NPHP4: variants seen among roughly 807,000 people sequenced by gnomAD.
NPHP4 encodes the protein nephrocystin 4, also known as nephrocystin-4.
NPHP4 carries 151 observed loss-of-function variants against 155.8 expected under a neutral mutation model. That is an observed-to-expected ratio of 0.97 (90% confidence interval 0.85 to 1.11). The LOEUF (loss-of-function observed/expected upper bound fraction) is 1.11, where lower values mean the gene tolerates loss of function less well. NPHP4 is among the 50% of genes least tolerant of loss of function. The pLI is 0.00. For synonymous variants in NPHP4, 845 were observed against 816.8 expected, an observed-to-expected ratio of 1.03 and a Z score of -0.59; for missense variants, 1,956 against 1,925.7, an observed-to-expected ratio of 1.02 and a Z score of -0.29.
chr1:5,937,046 G>C (rs1646578734), intron 9 of NPHP4, among the ~76,000 whole-genome samples: 1 of 152,216 alleles, frequency 6.6e-6, no homozygotes, highest in African/African-American at 2.4e-5. Flanking sequence ...GCCAAGGACA[G>C]CTAGGAGCCC....
In NPHP4 at chr1:5,986,336, G is replaced by C. The variant is rs764714312; in HGVS notation, c.-38-9C>G. ...TGGGCTTCCCGGATGATCTGTGCCA[G>C]TCGTATTCAAATAAAGAGAAGAGCT... On this transcript the variant is annotated splice_polypyrimidine_tract_variant and intron_variant, in intron 1 of 29. Transcript: ENST00000378156. 6 of 1,604,016 alleles carry C rather than the reference G, an allele frequency of 3.7e-6. No individual in the cohort carries two copies. In the Middle Eastern group the frequency reaches 5.5e-4, roughly 146 times the overall value.
intron 6 of NPHP4, among the ~76,000 whole-genome samples, chr1:5,960,760 C>G (rs72859118): frequency 0.052 from 7,987 of 152,194 alleles, 688 homozygotes; most frequent in African/African-American, 0.18. Flanking sequence ...AAGATTCCTA[C>G]AGCAGAGCAC....
Position 5,873,347 on chromosome 1 carries a change from G to T in NPHP4, c.3232-12C>A. 1 of 1,611,426 alleles carries T rather than the reference G, an allele frequency of 6.2e-7. No individual in the cohort carries two copies. The highest frequency in any genetic ancestry group is 8.5e-7 in the Non-Finnish European group (1 of 1,177,616). ...AACCCAGGAGAGGCCTGCAGGAACC[G>T]AACAGCACAAGCAGGTCAGGAAGCA... On this transcript the variant is annotated splice_polypyrimidine_tract_variant and intron_variant, in intron 22 of 29. Transcript: ENST00000378156.
At chr1:5,969,540 T>C (rs138231584) in intron 3 of NPHP4, among the ~76,000 whole-genome samples, 1 of 152,266 alleles carries the variant, frequency 6.6e-6, no homozygotes, top group Non-Finnish European at 1.5e-5. Context: ...GAACTTTCCA[T>C]TCCCTAGGAA....
chr1:5,909,917 G>A (rs1645096138), intron 11 of NPHP4, among the ~76,000 whole-genome samples: 1 of 152,132 alleles, frequency 6.6e-6, no homozygotes, highest in Non-Finnish European at 1.5e-5. Context: ...AGCCCAGCTG[G>A]CATTTGTGCT....
intron 23 of NPHP4, among the ~76,000 whole-genome samples, chr1:5,872,181 T>C (rs1250200303): frequency 6.6e-6 from 1 of 152,212 alleles, no homozygotes; most frequent in African/African-American, 2.4e-5. Flanking sequence ...GACAACAGAA[T>C]GTCCCCGTCT....
rs748315715 is a variant in NPHP4, at chr1:5,905,432, G to A, written c.1815C>T (p.Gly605=). The change falls in exon 15 of 30, where the codon GGC becomes GGT. Residue 605 remains glycine (G), a synonymous_variant. Transcript: ENST00000378156. This position sits in a 1 kb window ranked among gnomAD's most constrained non-coding sequence, Gnocchi z 4.0. ...TATTGGCATCCAGAATCTCGGGAAA[G>A]CCGGAGGACTGCAGGAGCACCATGG... The part of the protein sequence containing the change: ...RASMVLLQSS[G]FPEILDANKQ... 13 of 1,611,948 alleles carry A rather than the reference G, an allele frequency of 8.1e-6. No individual in the cohort carries two copies. The East Asian group carries it at 2.0e-4, about 25-fold the overall frequency.
chr1:5,944,726 T>C lies in NPHP4; in HGVS notation c.1119+2378A>G, dbSNP rs1646999249. ...GGTTCACGTCTGGAACCTGAGCACT[T>C]TGGGAGGCCAAGGAGGGCAGATCAC... On this transcript the variant is annotated intron_variant, in intron 9 of 29. Transcript: ENST00000378156. The surrounding 1 kb of genome is among the most constrained non-coding windows in gnomAD (Gnocchi z 4.3). Among the ~76,000 whole-genome samples the C allele has an allele frequency of 6.6e-6, 1 of 152,138 alleles. No homozygotes were observed.
intron 20 of NPHP4, chr1:5,876,643 AC>A (rs1415834524): frequency 1.3e-5 from 2 of 154,166 alleles, no homozygotes; most frequent in African/African-American, 4.8e-5. Context: ...AGGAGGTACA[AC>A]CATTCTCACC....
chr1:5,877,677 G>A (rs1334791830), intron 19 of NPHP4, among the ~76,000 whole-genome samples: 1 of 152,166 alleles, frequency 6.6e-6, no homozygotes, highest in Non-Finnish European at 1.5e-5. Flanking sequence ...TCAGCCCCTC[G>A]GATCAGGAAT....
At chr1:5,974,572 C>T (rs567803568) in intron 3 of NPHP4, among the ~76,000 whole-genome samples, 1 of 152,094 alleles carries the variant, frequency 6.6e-6, no homozygotes, top group African/African-American at 2.4e-5. Context: ...GGAGGCAATT[C>T]CTCCCCACCA....
chr1:5,891,941 G>A (rs917736205), intron 16 of NPHP4, among the ~76,000 whole-genome samples: 1 of 152,232 alleles, frequency 6.6e-6, no homozygotes. Flanking sequence ...GGGGACCTAG[G>A]GGGAGCGAAG....
chr1:5,961,748 G>A (rs1421470615), intron 6 of NPHP4, 46 bp downstream of exon 6: 1 of 1,579,802 alleles, frequency 6.3e-7, no homozygotes, highest in Admixed American at 1.8e-5. Flanking sequence ...CTGTGAACTA[G>A]GACAGACTCA....
At chr1:5,970,856 G>GAGA (rs773707862) in intron 3 of NPHP4, among the ~76,000 whole-genome samples, 2 of 151,958 alleles carry the variant, frequency 1.3e-5, no homozygotes, top group Admixed American at 6.6e-5. Flanking sequence ...CATCAGCCAT[G>GAGA]AGATATAAAT....
At chr1:5,946,971 A>G in intron 9 of NPHP4, 133 bp downstream of exon 9, 2 of 960,036 alleles carry the variant, frequency 2.1e-6, no homozygotes, top group Non-Finnish European at 3.2e-6. Context: ...AAATGTCAGT[A>G]AAGTGATTTT....
intron 12 of NPHP4, among the ~76,000 whole-genome samples, chr1:5,908,347 T>G (rs146995715): frequency 6.6e-6 from 1 of 152,330 alleles, no homozygotes; most frequent in Non-Finnish European, 1.5e-5. Context: ...CTGATCCAGT[T>G]TCCCACTGCA....
rs554492688 is a variant in NPHP4 at position 5,911,351 on chromosome 1, C to T, written c.1442-2138G>A. ...CGCCGTTCCTCCGTAAATGGGAACT[C>T]GGAAAACTCCGCAGGCTGATTTTGA... is the stretch of plus-strand genomic sequence containing the variant. On this transcript the variant is annotated intron_variant, in intron 11 of 29. Transcript: ENST00000378156. Among the ~76,000 whole-genome samples the T allele has an allele frequency of 6.6e-5, 10 of 152,272 alleles. No individual in the cohort carries two copies. The South Asian group carries it at 1.7e-3, about 25-fold the overall frequency.
intron 23 of NPHP4, among the ~76,000 whole-genome samples, chr1:5,869,114 T>C (rs1403062409): frequency 8.5e-6 from 1 of 118,004 alleles, no homozygotes; most frequent in Non-Finnish European, 1.8e-5. Flanking sequence ...TGCACCCACA[T>C]GCACACACGC....
At chr1:5,891,108 G>C in intron 16 of NPHP4, 80 bp from the exon 17 acceptor site, 1 of 1,034,562 alleles carries the variant, frequency 9.7e-7, no homozygotes, top group Non-Finnish European at 1.3e-6. Context: ...TTTCAGCTCT[G>C]GTCATGATTA....
Sources: gnomAD v4.1 joint callset for allele counts (sites outside exome capture counted in the v4.1 genomes callset) on GRCh38, gnomAD v4.1.1 for gene constraint, Gnocchi (gnomAD v3.1) non-coding constraint, MANE v1.5 for transcripts, NCBI Gene and HGNC (gene_info 2026-07-23, HGNC 2026-07-21) for gene names.